Variants in SOX6 observed in about 807,000 individuals in gnomAD.
The protein encoded by SOX6 is SRY-box transcription factor 6.
Under a neutral mutation model 97.8 loss-of-function variants are expected in SOX6, and 11 were observed. That is an observed-to-expected ratio of 0.11 (90% CI 0.07 to 0.19). The LOEUF is 0.19. Ranked by LOEUF, SOX6 falls within the 10% of genes least tolerant of loss-of-function variation. The probability of loss-of-function intolerance (pLI) is 1.00; values close to 1 mark genes in which losing one functional copy is unlikely to be tolerated. For synonymous variants in SOX6, 360 were observed against 371.4 expected (o/e 0.97, Z 0.35); for missense variants, 810 against 1,039.5 (o/e 0.78, Z 3.04).
At chr11:16,548,433 C>T (rs77981728) in intron 4 of SOX6, among the ~76,000 whole-genome samples, 1 of 151,952 alleles carries the variant, frequency 6.6e-6, no homozygotes. Context: ...GCTCCATAGG[C>T]AAAACAAATG....
intron 3 of SOX6, among the ~76,000 whole-genome samples, chr11:16,695,035 G>C (rs1848043109): frequency 6.6e-6 from 1 of 152,176 alleles, no homozygotes; most frequent in Non-Finnish European, 1.5e-5. Context: ...AAAGAGGCTT[G>C]AGCATATGTG....
chr11:16,513,773 T>C (rs569860146), intron 4 of SOX6, among the ~76,000 whole-genome samples: 19 of 152,222 alleles, frequency 1.2e-4, no homozygotes, highest in African/African-American at 3.9e-4. Flanking sequence ...AGAACACCAC[T>C]AGAACATTAC....
chr11:16,123,630 T>C (rs1442951396), intron 6 of SOX6, among the ~76,000 whole-genome samples: 1 of 151,978 alleles, frequency 6.6e-6, no homozygotes, highest in East Asian at 1.9e-4. Context: ...TAATGTCATT[T>C]TGGAGCATAA....
At chr11:16,534,978 A>T (rs1861286718) in intron 4 of SOX6, among the ~76,000 whole-genome samples, 1 of 152,176 alleles carries the variant, frequency 6.6e-6, no homozygotes, top group African/African-American at 2.4e-5. Flanking sequence ...CTGAGTATTG[A>T]CTAGTTAGGA....
chr11:16,069,002 T>C (rs149827569), intron 9 of SOX6, among the ~76,000 whole-genome samples: 7 of 152,342 alleles, frequency 4.6e-5, no homozygotes, highest in Middle Eastern at 3.4e-3. Flanking sequence ...ACCTCTTTCA[T>C]ATCCATTCTT....
At chr11:16,195,724 C>T (rs1851754387) in intron 4 of SOX6, among the ~76,000 whole-genome samples, 1 of 152,150 alleles carries the variant, frequency 6.6e-6, no homozygotes, top group Non-Finnish European at 1.5e-5. Context: ...TGGTTTCAGG[C>T]CCAAATACAG....
chr11:16,154,847 ACC>A (rs1464424915), intron 6 of SOX6, among the ~76,000 whole-genome samples: 1 of 152,072 alleles, frequency 6.6e-6, no homozygotes, highest in East Asian at 1.9e-4. Flanking sequence ...TTCCTGGGCA[ACC>A]AGTCCTTCAG....
At chr11:16,377,776 C>T (rs1042466813) in intron 1 of SOX6, among the ~76,000 whole-genome samples, 1 of 152,108 alleles carries the variant, frequency 6.6e-6, no homozygotes, top group African/African-American at 2.4e-5. Context: ...TTTACCTCCT[C>T]CATACCCAGA....
intron 4 of SOX6, among the ~76,000 whole-genome samples, chr11:16,204,739 T>A (rs544469720): frequency 9.5e-4 from 144 of 152,224 alleles, no homozygotes; most frequent in African/African-American, 3.4e-3. Flanking sequence ...AGAGTACACT[T>A]ATTCAAACAA....
intron 3 of SOX6, among the ~76,000 whole-genome samples, chr11:16,277,625 T>C (rs1854437910): frequency 6.6e-6 from 1 of 152,202 alleles, no homozygotes; most frequent in African/African-American, 2.4e-5. Context: ...TAAATCTTCA[T>C]AGGCTACTAA....
At chr11:16,503,530 A>G (rs914898155) in intron 4 of SOX6, among the ~76,000 whole-genome samples, 4 of 152,098 alleles carry the variant, frequency 2.6e-5, no homozygotes, top group Non-Finnish European at 4.4e-5. Context: ...GCCCAAGTAT[A>G]TGCTGTCTAC....
intron 3 of SOX6, among the ~76,000 whole-genome samples, chr11:16,644,913 G>T (rs938962717): frequency 4.0e-4 from 61 of 152,310 alleles, no homozygotes; most frequent in Admixed American, 1.2e-3. Context: ...TGGGGGCAGA[G>T]GAGTATACTG....
chr11:16,172,892 T>C (rs897435155), intron 6 of SOX6, among the ~76,000 whole-genome samples: 1 of 151,974 alleles, frequency 6.6e-6, no homozygotes, highest in African/African-American at 2.4e-5. Context: ...CTGTCATTGT[T>C]CTAATACTAT....
rs577996359 is a variant in SOX6, at chr11:16,720,436, C to T, written n.354-5531G>A. 2.0e-4 allele frequency among the ~76,000 whole-genome samples: 27 copies of T among 136,622 alleles called. No homozygotes were observed. The East Asian group carries it at 5.3e-3, about 27-fold the overall frequency. 89.6% of individuals were successfully genotyped at this position (136,622 alleles called of 152,430 possible). The stretch of plus-strand genomic sequence containing the variant: ...GAAATCATCATTCTCAGTAAACTAT[C>T]ACAAGGACAAAAAACCAAACACCGC... On this transcript the variant is annotated intron_variant and non_coding_transcript_variant, in intron 2 of 5. Transcript: ENST00000524520.
intron 2 of SOX6, among the ~76,000 whole-genome samples, chr11:16,725,045 C>G (rs753158637): frequency 6.6e-6 from 1 of 152,110 alleles, no homozygotes; most frequent in Non-Finnish European, 1.5e-5. Flanking sequence ...CAAAGTCACA[C>G]AAAATCTCTT....
chr11:16,514,068 T>C (rs1440314037), intron 4 of SOX6, among the ~76,000 whole-genome samples: 1 of 151,928 alleles, frequency 6.6e-6, no homozygotes, highest in Non-Finnish European at 1.5e-5. Flanking sequence ...TATTTTAAAT[T>C]AGCCAAACAT....
At chr11:16,456,019 T>C (rs1255979661) in intron 1 of SOX6, among the ~76,000 whole-genome samples, 1 of 152,106 alleles carries the variant, frequency 6.6e-6, no homozygotes, top group East Asian at 1.9e-4. Context: ...CATAATGTGA[T>C]ATAAAAATTC....
At chr11:16,337,220 G>C (rs541332854) in intron 2 of SOX6, among the ~76,000 whole-genome samples, 1 of 152,170 alleles carries the variant, frequency 6.6e-6, no homozygotes, top group East Asian at 1.9e-4. Context: ...AAGTAAGGAA[G>C]GGAAGGCTCA....
chr11:16,737,906 T>A (rs554709416), intron 1 of SOX6, among the ~76,000 whole-genome samples: 75 of 152,094 alleles, frequency 4.9e-4, no homozygotes, highest in South Asian at 4.6e-3. Flanking sequence ...TTACTTTTTT[T>A]AAAAAAGAAA....
Sources: allele counts gnomAD v4.1 joint callset (sites outside exome capture counted in the v4.1 genomes callset), GRCh38; gene constraint gnomAD v4.1.1; transcripts MANE v1.5; gene names NCBI Gene and HGNC (gene_info 2026-07-23, HGNC 2026-07-21).